NAV3: variants seen among roughly 807,000 people sequenced by gnomAD.
NAV3 encodes neuron navigator 3.
Under a neutral mutation model 244.7 loss-of-function variants are expected in NAV3, and 87 were observed. The ratio of observed to expected loss-of-function variants is 0.36; its 90% CI spans 0.30 to 0.42. The LOEUF (loss-of-function observed/expected upper bound fraction) is 0.42, where lower values mean the gene tolerates loss of function less well. Among genes scored for constraint, NAV3 ranks in the 20% least tolerant of loss-of-function variants. NAV3 has a pLI of 1.00. For synonymous variants in NAV3, 1,126 were observed against 1,042.2 expected, an observed-to-expected ratio of 1.08 and a Z score of -1.55; for missense variants, 2,663 against 2,893.3, an observed-to-expected ratio of 0.92 and a Z score of 1.83.
At chr12:77,781,973 C>T (rs1409930303) in intron 2 of NAV3, among the ~76,000 whole-genome samples, 3 of 152,170 alleles carry the variant, frequency 2.0e-5, no homozygotes, top group Admixed American at 6.5e-5. Context: ...GTCCCATGCA[C>T]ACTGAATGAG....
intron 12 of NAV3, among the ~76,000 whole-genome samples, chr12:78,100,166 T>A (rs1216837197): frequency 1.3e-5 from 2 of 151,944 alleles, no homozygotes; most frequent in Non-Finnish European, 2.9e-5. Flanking sequence ...ACAATAAGAA[T>A]GGAAAGACTT....
At chr12:77,971,053 T>G (rs1350098344) in intron 5 of NAV3, among the ~76,000 whole-genome samples, 1 of 152,082 alleles carries the variant, frequency 6.6e-6, no homozygotes, top group Non-Finnish European at 1.5e-5. Context: ...GTTATGACCC[T>G]TTTAGGAAAT....
intron 2 of NAV3, among the ~76,000 whole-genome samples, chr12:77,660,631 A>G (rs1873395678): frequency 1.3e-5 from 2 of 152,146 alleles, no homozygotes; most frequent in Non-Finnish European, 1.5e-5. Context: ...TATGTATATT[A>G]TATACGTGCA....
intron 12 of NAV3, among the ~76,000 whole-genome samples, chr12:78,112,615 A>T (rs1316293401): frequency 6.6e-6 from 1 of 152,134 alleles, no homozygotes; most frequent in East Asian, 1.9e-4. Context: ...ACACAATTAG[A>T]GTAACTGCCC....
chr12:77,765,176 A>G (rs1869676995), intron 2 of NAV3, among the ~76,000 whole-genome samples: 2 of 152,230 alleles, frequency 1.3e-5, no homozygotes, highest in South Asian at 4.1e-4. Context: ...TTTTGCTACC[A>G]GATCTGAATT....
chr12:77,731,444 G>A (rs563748487), intron 2 of NAV3, among the ~76,000 whole-genome samples: 5 of 151,998 alleles, frequency 3.3e-5, no homozygotes, highest in African/African-American at 4.8e-5. Context: ...TTTATGATAC[G>A]ATATATAACC....
At chr12:77,778,560 T>C (rs145901065) in intron 2 of NAV3, among the ~76,000 whole-genome samples, 3,051 of 144,240 alleles carry the variant, frequency 0.021, 122 homozygotes, top group African/African-American at 0.075. Flanking sequence ...TGCAGTGAAC[T>C]GAGATCGCGC....
At chr12:77,979,240 AAG>A (rs1869087761) in intron 5 of NAV3, among the ~76,000 whole-genome samples, 1 of 149,282 alleles carries the variant, frequency 6.7e-6, no homozygotes. Flanking sequence ...AAAAAAAAAA[AAG>A]TTAGCCAGAA....
intron 9 of NAV3, among the ~76,000 whole-genome samples, chr12:78,033,526 A>G (rs542509744): frequency 3.0e-4 from 45 of 152,176 alleles, no homozygotes; most frequent in African/African-American, 1.0e-3. Flanking sequence ...AAATATAAAA[A>G]CATTCATATA....
At chr12:78,168,630 TAAGC>T (rs1957877824) in intron 23 of NAV3, 121 bp from the exon 24 acceptor site, 2 of 596,598 alleles carry the variant, frequency 3.4e-6, no homozygotes, top group Non-Finnish European at 6.0e-6. Context: ...CAAGTTCAGC[TAAGC>T]ATCCAAATCT....
At chr12:77,737,252 G>A (rs1877374885) in intron 2 of NAV3, among the ~76,000 whole-genome samples, 1 of 148,902 alleles carries the variant, frequency 6.7e-6, no homozygotes, top group African/African-American at 2.5e-5. Context: ...GAAGACTGAG[G>A]GGTCATTAGT....
At chr12:78,174,648 C>T (rs890289475) in intron 24 of NAV3, among the ~76,000 whole-genome samples, 6 of 151,882 alleles carry the variant, frequency 4.0e-5, no homozygotes, top group Non-Finnish European at 7.4e-5. Context: ...AGTAGGGGTA[C>T]ATTGGAAGAA....
intron 18 of NAV3, 61 bp from the exon 19 acceptor site, chr12:78,137,116 A>T (rs756458265): frequency 6.8e-6 from 10 of 1,461,694 alleles, no homozygotes; most frequent in Non-Finnish European, 9.3e-6. Flanking sequence ...ACTTTCTATC[A>T]ACCTGCTATT....
At chr12:78,095,053 A>G (rs1359425734) in intron 12 of NAV3, among the ~76,000 whole-genome samples, 1 of 111,886 alleles carries the variant, frequency 8.9e-6, no homozygotes, top group Non-Finnish European at 2.2e-5. Context: ...AATTATATAT[A>G]TATATATATA....
intron 12 of NAV3, among the ~76,000 whole-genome samples, chr12:78,082,433 CTTG>C (rs1296385664): frequency 6.6e-6 from 1 of 152,016 alleles, no homozygotes; most frequent in Admixed American, 6.6e-5. Context: ...TTTAGAAAAT[CTTG>C]TTGTTTCAGA....
At chr12:77,572,993 G>T (rs905147598) in intron 2 of NAV3, among the ~76,000 whole-genome samples, 1 of 152,158 alleles carries the variant, frequency 6.6e-6, no homozygotes, top group South Asian at 2.1e-4. Context: ...GGTTAGAGAT[G>T]GCGTCTAGGA....
In NAV3 at chr12:77,831,499, C is replaced by A. The variant is rs1366502744; in HGVS notation, c.38C>A (p.Pro13Gln). 6.2e-7 allele frequency: 1 copy of A among 1,611,846 alleles called. No individual in the cohort carries two copies. The highest frequency in any genetic ancestry group is 8.5e-7 in the Non-Finnish European group (1 of 1,179,374). Reference protein sequence around the residue: ...VLGVASKLRQPAVGSKPVHTA... With the variant: ...VLGVASKLRQQAVGSKPVHTA... ...GGGGTTGCCTCAAAACTGAGGCAGC[C>A]AGCTGTTGGGTCAAAGCCTGTGCAT... The change falls in exon 1 of 40, where the codon CCA becomes CAA. Residue 13 changes from proline to glutamine, a missense_variant. Physicochemically the swap from Pro to Gln is moderately conservative, Grantham distance 76 (BLOSUM62 -1). Around this residue, in one of 6 missense-constraint regions of NAV3, gnomAD observed 1,521 missense variants for 1,497.0 expected, o/e 1.02. Coordinates refer to ENST00000397909, the MANE Select transcript of NAV3 (RefSeq NM_001024383.2).
chr12:77,685,491 A>ACACACACACACACC (rs1244854206), intron 2 of NAV3, among the ~76,000 whole-genome samples: 1 of 150,828 alleles, frequency 6.6e-6, no homozygotes, highest in African/African-American at 2.5e-5. Context: ...ACACACACAC[A>ACACACACACACACC]CACACACACA....
intron 9 of NAV3, among the ~76,000 whole-genome samples, chr12:78,027,111 G>A (rs971158397): frequency 1.3e-5 from 2 of 152,052 alleles, no homozygotes; most frequent in African/African-American, 2.4e-5. Context: ...AGCTCTCCCC[G>A]TTGAGCTGGG....
Sources: gnomAD v4.1 joint callset for allele counts (sites outside exome capture counted in the v4.1 genomes callset) on GRCh38, gnomAD v4.1.1 for gene constraint, gnomAD v4.1.1 regional missense constraint, MANE v1.5 for transcripts, NCBI Gene and HGNC (gene_info 2026-07-23, HGNC 2026-07-21) for gene names.